The following DIS3L2 variants were observed in gnomAD, a reference collection of about 807,000 sequenced individuals.
DIS3L2 encodes DIS3-like exonuclease 2.
Under a neutral mutation model 97.5 loss-of-function variants are expected in DIS3L2, and 34 were observed. That is an observed-to-expected ratio of 0.35 (90% CI 0.27 to 0.46). The LOEUF is 0.46. DIS3L2 is among the 20% of genes least tolerant of loss of function. The probability of loss-of-function intolerance (pLI) is 1.00; values close to 1 mark genes in which losing one functional copy is unlikely to be tolerated. For missense variants in DIS3L2, 1,038 were observed against 1,146.0 expected, an observed-to-expected ratio of 0.91 and a Z score of 1.36; for synonymous variants, 435 against 445.2, an observed-to-expected ratio of 0.98 and a Z score of 0.29.
intron 8 of DIS3L2, among the ~76,000 whole-genome samples, chr2:232,140,600 C>A (rs1447167512): frequency 6.6e-6 from 1 of 152,134 alleles, no homozygotes; most frequent in Non-Finnish European, 1.5e-5. Context: ...TGAGAAGGCA[C>A]AGATATTTAA....
intron 1 of DIS3L2, among the ~76,000 whole-genome samples, chr2:231,976,378 C>G (rs1693093303): frequency 6.6e-6 from 1 of 152,034 alleles, no homozygotes; most frequent in Non-Finnish European, 1.5e-5. Context: ...GCCTGTAATC[C>G]TAACACTTTG....
intron 13 of DIS3L2, among the ~76,000 whole-genome samples, chr2:232,282,721 G>T (rs954835813): frequency 6.6e-6 from 1 of 152,114 alleles, no homozygotes; most frequent in Non-Finnish European, 1.5e-5. Context: ...CCTCTCTTTC[G>T]CACTGGCCCC....
At chr2:232,331,768 C>T (rs920139897) in intron 16 of DIS3L2, 6 of 152,258 alleles carry the variant, frequency 3.9e-5, no homozygotes, top group East Asian at 1.9e-4. Flanking sequence ...CTGCCTCTGA[C>T]GCCATCACCT....
intron 10 of DIS3L2, among the ~76,000 whole-genome samples, chr2:232,230,195 T>C (rs2106243228): frequency 6.6e-6 from 1 of 152,254 alleles, no homozygotes; most frequent in East Asian, 1.9e-4. Context: ...ACCCAATCAG[T>C]GTTTCTCAGA....
At chr2:232,338,697 C>T (rs1373230946), downstream of DIS3L2, among the ~76,000 whole-genome samples, 10 of 151,882 alleles carry the variant, frequency 6.6e-5, no homozygotes, top group Non-Finnish European at 1.2e-4. Context: ...CCGAGCCCCG[C>T]GTCTGCATTC....
intron 6 of DIS3L2, among the ~76,000 whole-genome samples, chr2:232,104,298 C>T (rs1325903661): frequency 6.6e-6 from 1 of 152,122 alleles, no homozygotes; most frequent in Non-Finnish European, 1.5e-5. Context: ...GAGGGCCTAC[C>T]TGTTCTCTTT....
In DIS3L2 at chr2:232,336,839, T is replaced by A. The variant is rs1695973158; in HGVS notation, c.*209T>A. 11 of 1,398,652 alleles carry A rather than the reference T, an allele frequency of 7.9e-6. No individual in the cohort carries two copies. Among genetic ancestry groups the A allele is most frequent in the Admixed American group, 3.0e-5 (1 of 33,410 alleles). The allele number at this position is 1,398,652 out of a possible 1,614,324, so 86.6% of individuals were successfully genotyped here. ...AGGAAGGCTGAGGCCTGGTCAGCAG[T>A]GACCCCAGCAGAGCAGGCCCCAGTC... On this transcript the variant is annotated 3_prime_UTR_variant, in exon 21 of 21. Transcript: ENST00000325385.
At chr2:232,229,483 G>A (rs991459808) in intron 10 of DIS3L2, among the ~76,000 whole-genome samples, 8 of 152,150 alleles carry the variant, frequency 5.3e-5, no homozygotes, top group South Asian at 2.1e-4. Context: ...AGGCTTGACC[G>A]GCTGACCTGG....
chr2:232,218,248 A>G (rs561620896), intron 10 of DIS3L2, among the ~76,000 whole-genome samples: 2 of 152,374 alleles, frequency 1.3e-5, no homozygotes, highest in East Asian at 3.9e-4. Context: ...ATGAACACGC[A>G]TGCTCACACA....
At chr2:232,049,854 A>G (rs535805998) in intron 5 of DIS3L2, among the ~76,000 whole-genome samples, 1 of 152,260 alleles carries the variant, frequency 6.6e-6, no homozygotes, top group South Asian at 2.1e-4. Context: ...CTGTGTGCCT[A>G]AGCTGGATTT....
chr2:232,206,120 C>T (rs188827265), intron 9 of DIS3L2, among the ~76,000 whole-genome samples: 1 of 152,210 alleles, frequency 6.6e-6, no homozygotes, highest in Admixed American at 6.5e-5. Context: ...TCCAAAGGTG[C>T]TCCCTTGAGG....
At chr2:232,334,576 C>T (rs1275953678) in intron 18 of DIS3L2, 55 bp from the exon 19 acceptor site, 9 of 1,601,660 alleles carry the variant, frequency 5.6e-6, no homozygotes, top group East Asian at 4.5e-5. Flanking sequence ...CAGGAGGCCT[C>T]GAGGAGCCCA....
intron 8 of DIS3L2, among the ~76,000 whole-genome samples, chr2:232,157,307 A>G (rs868472963): frequency 3.9e-4 from 60 of 152,156 alleles, no homozygotes; most frequent in African/African-American, 1.4e-3. Context: ...CCTCCCTTGC[A>G]TTCTTTCTTC....
At position 232,051,811 on chromosome 2, in the gene DIS3L2, CAAAAAAAAAAAAAAAA is replaced by C. The variant is rs58851349; in HGVS notation, c.366+21744_366+21759del. Among the ~76,000 whole-genome samples, 7 of 37,064 alleles carry C rather than the reference CAAAAAAAAAAAAAAAA, an allele frequency of 1.9e-4. 1 individual carries two copies. Among genetic ancestry groups the C allele is most frequent in the East Asian group, 1.8e-3 (2 of 1,120 alleles). 24.3% of individuals were successfully genotyped at this position (37,064 alleles called of 152,430 possible). On this transcript the variant is annotated intron_variant, in intron 5 of 20. Coordinates refer to ENST00000325385, the MANE Select transcript of DIS3L2 (RefSeq NM_152383.5). Reference sequence around the variant, plus strand: ...TGGGCGACAGAGCGAGACTCCGTCTCAAAAAAAAAAAAAAAAAAAAAAAAAAAAGAACTAGCTTTGA... The same window carrying C: ...TGGGCGACAGAGCGAGACTCCGTCTCAAAAAAAAAAAAGAACTAGCTTTGA...
chr2:232,011,096 C>T (rs1484956978), intron 1 of DIS3L2, among the ~76,000 whole-genome samples: 1 of 152,178 alleles, frequency 6.6e-6, no homozygotes, highest in African/African-American at 2.4e-5. Context: ...ACATTATTGA[C>T]CGCTATTGCC....
At chr2:232,024,544 G>A (rs548626964) in intron 4 of DIS3L2, among the ~76,000 whole-genome samples, 2 of 152,264 alleles carry the variant, frequency 1.3e-5, no homozygotes, top group East Asian at 3.9e-4. Flanking sequence ...GAAAGGGATG[G>A]CATTTGTTAC....
chr2:232,076,982 G>A (rs1696208566), intron 5 of DIS3L2, among the ~76,000 whole-genome samples: 3 of 152,162 alleles, frequency 2.0e-5, no homozygotes, highest in Admixed American at 2.0e-4. Flanking sequence ...CCCTTAAAAT[G>A]CTGACATCAT....
chr2:232,191,066 G>T (rs1691606922), intron 9 of DIS3L2, among the ~76,000 whole-genome samples: 1 of 152,184 alleles, frequency 6.6e-6, no homozygotes, highest in Non-Finnish European at 1.5e-5. Context: ...AGTGAGTGGA[G>T]CGAAAGCCAG....
intron 10 of DIS3L2, among the ~76,000 whole-genome samples, chr2:232,217,247 G>A (rs4973509): frequency 4.3e-4 from 66 of 152,304 alleles, no homozygotes; most frequent in Admixed American, 2.6e-3. Flanking sequence ...GTAGAAAGCC[G>A]AATGCTGCTG....
Sources: allele counts gnomAD v4.1 joint callset (sites outside exome capture counted in the v4.1 genomes callset), GRCh38; gene constraint gnomAD v4.1.1; transcripts MANE v1.5; gene names NCBI Gene and HGNC (gene_info 2026-07-23, HGNC 2026-07-21).